The following DNAJB14 variants were observed in gnomAD, a reference collection of about 807,000 sequenced individuals.
DNAJB14 encodes the protein dnaJ homolog subfamily B member 14.
DNAJB14 carries 22 observed loss-of-function variants against 48.4 expected under a neutral mutation model. That is an observed-to-expected ratio of 0.45 (90% CI 0.32 to 0.65). The LOEUF (loss-of-function observed/expected upper bound fraction) is 0.65, where lower values mean the gene tolerates loss of function less well. Ranked by LOEUF, DNAJB14 falls within the 30% of genes least tolerant of loss-of-function variation. DNAJB14 has a pLI of 0.03. For missense variants in DNAJB14, 319 were observed against 458.8 expected, an observed-to-expected ratio of 0.70 and a Z score of 2.78; for synonymous variants, 142 against 158.7, an observed-to-expected ratio of 0.89 and a Z score of 0.79.
chr4:99,911,391 T>C (rs1725655714), intron 3 of DNAJB14, among the ~76,000 whole-genome samples: 1 of 152,184 alleles, frequency 6.6e-6, no homozygotes, highest in Admixed American at 6.5e-5. Flanking sequence ...TAAATCTTCA[T>C]TCCTCTGGAA....
At chr4:99,907,453 T>C (rs1169137306) in intron 4 of DNAJB14, among the ~76,000 whole-genome samples, 1 of 152,022 alleles carries the variant, frequency 6.6e-6, no homozygotes, top group Non-Finnish European at 1.5e-5. Context: ...GGTGGGAGGA[T>C]TGCTTGAGGC....
At position 99,917,012 on chromosome 4, in the gene DNAJB14, G is replaced by A. The variant is rs527685029; in HGVS notation, c.451+6028C>T. 1.7e-4 allele frequency among the ~76,000 whole-genome samples: 26 copies of A among 152,314 alleles called. 1 individual carries two copies. In the South Asian group the frequency reaches 4.6e-3, roughly 27 times the overall value. ...TAGCTGGGTGTGGTGGCACATGCCTGTAATCCCAGCTACTCGGGAGGCTGA... is the reference window on the plus strand; with the variant it reads ...TAGCTGGGTGTGGTGGCACATGCCTATAATCCCAGCTACTCGGGAGGCTGA... On this transcript the variant is annotated intron_variant, in intron 3 of 7. Coordinates refer to ENST00000442697, the MANE Select transcript of DNAJB14 (RefSeq NM_001031723.4).
At chr4:99,906,223 T>C in intron 5 of DNAJB14, 2 of 1,356,412 alleles carry the variant, frequency 1.5e-6, no homozygotes, top group Middle Eastern at 2.3e-4. Context: ...TTCAGTACTC[T>C]AAATTCTTCA....
chr4:99,914,629 A>G (rs1725786044), intron 3 of DNAJB14, among the ~76,000 whole-genome samples: 1 of 152,142 alleles, frequency 6.6e-6, no homozygotes, highest in South Asian at 2.1e-4. Context: ...TGTACCCTAG[A>G]ACTTAAAGGA....
chr4:99,915,069 T>G (rs1725801962), intron 3 of DNAJB14, among the ~76,000 whole-genome samples: 1 of 152,244 alleles, frequency 6.6e-6, no homozygotes, highest in Non-Finnish European at 1.5e-5. Context: ...TTTTCTAGAT[T>G]TGTAAGGTAG....
intron 7 of DNAJB14, 34 bp from the exon 8 acceptor site, chr4:99,901,186 TA>T: frequency 6.4e-7 from 1 of 1,556,586 alleles, no homozygotes; most frequent in African/African-American, 1.4e-5. Flanking sequence ...GCTAATTGAA[TA>T]AAATTTTTGT....
At chr4:99,924,648 G>A (rs1056353686) in intron 2 of DNAJB14, 3 of 1,404,462 alleles carry the variant, frequency 2.1e-6, no homozygotes, top group Non-Finnish European at 2.9e-6. Context: ...ACATATATCT[G>A]TAAACAAAAA....
chr4:99,902,555 GAC>G (rs1344136091), intron 7 of DNAJB14, among the ~76,000 whole-genome samples: 1 of 152,132 alleles, frequency 6.6e-6, no homozygotes, highest in Admixed American at 6.5e-5. Context: ...AGAAAACCAA[GAC>G]CAGAGAGGTT....
intron 2 of DNAJB14, chr4:99,928,586 C>T (rs767397985): frequency 2.2e-6 from 1 of 450,830 alleles, no homozygotes; most frequent in Non-Finnish European, 4.5e-6. Context: ...ATTTCTACCA[C>T]ACCTTGGACT....
At chr4:99,915,128 T>C (rs1725805131) in intron 3 of DNAJB14, among the ~76,000 whole-genome samples, 5 of 152,196 alleles carry the variant, frequency 3.3e-5, no homozygotes, top group African/African-American at 9.7e-5. Context: ...AACATATGCA[T>C]TTCATGTTAC....
At chr4:99,924,998 G>C (rs1302393874) in intron 2 of DNAJB14, 1 of 592,058 alleles carries the variant, frequency 1.7e-6, no homozygotes, top group East Asian at 2.8e-5. Context: ...ATTTGTTATG[G>C]ACTGCTGCCC....
In DNAJB14 at chr4:99,900,834, C is replaced by T; in HGVS notation, c.*194G>A. On this transcript the variant is annotated 3_prime_UTR_variant, in exon 8 of 8. Coordinates refer to ENST00000442697, the MANE Select transcript of DNAJB14 (RefSeq NM_001031723.4). ...ATGAAAATACTTGTAGAAGCGTTAACTAAAATATTCCATTTTAGTTTTCAG... is the reference window on the plus strand; with the variant it reads ...ATGAAAATACTTGTAGAAGCGTTAATTAAAATATTCCATTTTAGTTTTCAG... The T allele has an allele frequency of 2.3e-6, 1 of 434,272 alleles. No individual in the cohort carries two copies. The highest frequency in any genetic ancestry group is 3.9e-6 in the Non-Finnish European group (1 of 256,536). The allele number at this position is 434,272 out of a possible 1,614,324, so 26.9% of individuals were successfully genotyped here.
intron 3 of DNAJB14, among the ~76,000 whole-genome samples, chr4:99,919,783 A>G (rs1042439718): frequency 1.3e-5 from 2 of 152,134 alleles, no homozygotes; most frequent in Non-Finnish European, 2.9e-5. Flanking sequence ...GGGGAAAAGT[A>G]TATCTGTCCT....
At chr4:99,908,980 A>G (rs77316076) in intron 3 of DNAJB14, 84 bp from the exon 4 acceptor site, 16,609 of 957,424 alleles carry the variant, frequency 0.017, 172 homozygotes, top group Middle Eastern at 0.032. Flanking sequence ...CATCATGCTG[A>G]AAAAAAGACT....
At chr4:99,945,326 G>A (rs1727029487) in intron 1 of DNAJB14, among the ~76,000 whole-genome samples, 1 of 152,056 alleles carries the variant, frequency 6.6e-6, no homozygotes, top group East Asian at 1.9e-4. Context: ...AAGAGCACAG[G>A]GCTTCAACGA....
At position 99,899,776 on chromosome 4, in the gene DNAJB14, G is replaced by A. The variant is rs1476839129; in HGVS notation, c.*1252C>T. The stretch of plus-strand genomic sequence containing the variant: ...CAAATAGTTTCATATCCAGTATACA[G>A]GCATCAAAAACTTCAATTTCCAGCT... On this transcript the variant is annotated 3_prime_UTR_variant, in exon 8 of 8. Coordinates refer to ENST00000442697, the MANE Select transcript of DNAJB14 (RefSeq NM_001031723.4). 2 of 151,574 alleles carry A rather than the reference G, an allele frequency of 1.3e-5. No individual in the cohort carries two copies. Among genetic ancestry groups the A allele is most frequent in the African/African-American group, 4.8e-5 (2 of 41,384 alleles). The allele number at this position is 151,574 out of a possible 1,614,324, so 9.4% of individuals were successfully genotyped here. A position where few individuals can be genotyped will look rare whatever the true frequency, so the allele number is the denominator to read the frequency against.
chr4:99,944,069 T>C (rs1457648495), intron 1 of DNAJB14, among the ~76,000 whole-genome samples: 1 of 150,366 alleles, frequency 6.7e-6, no homozygotes, highest in African/African-American at 2.4e-5. Context: ...GATTTAAAAA[T>C]GGGCAAAGGA....
chr4:99,929,698 C>G (rs1293839783), intron 2 of DNAJB14: 5 of 152,120 alleles, frequency 3.3e-5, no homozygotes, highest in Non-Finnish European at 7.4e-5. Context: ...ATTTTAACTA[C>G]TCTTCACTTG....
chr4:99,916,486 A>AT (rs1725859081), intron 3 of DNAJB14, among the ~76,000 whole-genome samples: 1 of 152,248 alleles, frequency 6.6e-6, no homozygotes, highest in Non-Finnish European at 1.5e-5. Context: ...TTTAATTGGC[A>AT]TAGACAGGTC....
Sources: gnomAD v4.1 joint callset for allele counts (sites outside exome capture counted in the v4.1 genomes callset) on GRCh38, gnomAD v4.1.1 for gene constraint, MANE v1.5 for transcripts, NCBI Gene and HGNC (gene_info 2026-07-23, HGNC 2026-07-21) for gene names.